RPS19BP1: variants seen among roughly 807,000 people sequenced by gnomAD.
RPS19BP1 encodes the protein active regulator of SIRT1.
Under a neutral mutation model 16.6 loss-of-function variants are expected in RPS19BP1, and 14 were observed. The ratio of observed to expected loss-of-function variants is 0.84; its 90% CI spans 0.56 to 1.32. The LOEUF (loss-of-function observed/expected upper bound fraction) is 1.32, where lower values mean the gene tolerates loss of function less well. RPS19BP1 is among the 40% of genes most tolerant of loss of function. The probability of loss-of-function intolerance (pLI) is 0.00; values close to 1 mark genes in which losing one functional copy is unlikely to be tolerated. For missense variants in RPS19BP1, 188 were observed against 178.6 expected (o/e 1.05, Z -0.30); for synonymous variants, 90 against 77.3 (o/e 1.16, Z -0.86).
chr22:39,529,752 A>G, intron 3 of RPS19BP1, 68 bp downstream of exon 3: 1 of 1,597,810 alleles, frequency 6.3e-7, no homozygotes, highest in Non-Finnish European at 8.6e-7. Flanking sequence ...TGAGACCGCC[A>G]TGGGTCCCTA....
chr22:39,532,381 C>T lies in RPS19BP1; in HGVS notation c.181+14G>A. 1.2e-6 allele frequency: 2 copies of T among 1,614,148 alleles called. No homozygotes were observed. Among genetic ancestry groups the T allele is most frequent in the Non-Finnish European group, 1.7e-6 (2 of 1,180,018 alleles). ...GCACCGGAGGCAGCACTTTCAGCCC[C>T]TTCCCGAACTTACCCAGTGCCGACT... On this transcript the variant is annotated intron_variant, in intron 2 of 3. Coordinates refer to ENST00000334678, the MANE Select transcript of RPS19BP1 (RefSeq NM_194326.4).
In RPS19BP1 at chr22:39,532,468, G is replaced by A. The variant is rs1931340664; in HGVS notation, c.108C>T (p.Pro36=). 1 of 1,614,120 alleles carries A rather than the reference G, an allele frequency of 6.2e-7. No homozygotes were observed. The highest frequency in any genetic ancestry group is 1.3e-5 in the African/African-American group (1 of 74,950). The stretch of plus-strand genomic sequence containing the variant: ...GGGCCTGAATTGCCTTCGTCTTCCG[G>A]GGCCGTTTCACCGGAGCCCCTCTCG... ...AKPRGAPVKR[P]RKTKAIQAQK... Residue 36 remains proline (P), a synonymous_variant, in exon 2 of 4, where the codon CCC becomes CCT. Coordinates refer to ENST00000334678, the MANE Select transcript of RPS19BP1 (RefSeq NM_194326.4).
At chr22:39,529,696 C>T (rs777224292) in intron 3 of RPS19BP1, 73 bp from the exon 4 acceptor site, 19 of 1,601,762 alleles carry the variant, frequency 1.2e-5, no homozygotes, top group Admixed American at 1.7e-5. Flanking sequence ...CAGGGGAGTT[C>T]GGCGCAGGGC....
At position 39,529,498 on chromosome 22, in the gene RPS19BP1, G is replaced by A. The variant is rs757980739; in HGVS notation, c.405C>T (p.Gly135=). 1 of 1,614,198 alleles carries A rather than the reference G, an allele frequency of 6.2e-7. No individual in the cohort carries two copies. Residue 135 remains glycine, a synonymous_variant, in exon 4 of 4, where the codon GGC becomes GGT. Transcript: ENST00000334678. ...DFQKFQQEYF[G]S The stretch of plus-strand genomic sequence containing the variant: ...ACCGTGCCCTCCAGGGAGCCTAGCT[G>A]CCGAAGTATTCCTGCTGGAACTTCT...
chr22:39,531,231 G>A (rs1931303261), intron 2 of RPS19BP1: 1 of 152,258 alleles, frequency 6.6e-6, no homozygotes, highest in Non-Finnish European at 1.5e-5. Context: ...CAAGGGCTGG[G>A]ACAGATGGGA....
At position 39,532,407 on chromosome 22, in the gene RPS19BP1, TG is replaced by T. The variant is rs751225507; in HGVS notation, c.168del (p.Lys57SerfsTer18). The T allele has an allele frequency of 6.8e-6, 11 of 1,614,208 alleles. No individual in the cohort carries two copies. Among genetic ancestry groups the T allele is most frequent in the Non-Finnish European group, 8.5e-6 (10 of 1,180,036 alleles). Reference protein sequence around the residue: ...KLRNSAKGKVPKSALDEYRKR... With the variant: ...KLRNSAKGKVXKSALDEYRKR... Reference sequence around the variant, plus strand: ...TTCCCGAACTTACCCAGTGCCGACTTGGGCACCTTTCCCTTGGCCGAGTTCC... The same window carrying T: ...TTCCCGAACTTACCCAGTGCCGACTTGGCACCTTTCCCTTGGCCGAGTTCC... On this transcript the variant is annotated frameshift_variant, in exon 2 of 4. Coordinates refer to ENST00000334678, the MANE Select transcript of RPS19BP1 (RefSeq NM_194326.4). LOFTEE classifies it high-confidence loss of function.
intron 2 of RPS19BP1, chr22:39,531,322 CT>C (rs1931305153): frequency 6.6e-6 from 1 of 152,230 alleles, no homozygotes; most frequent in Non-Finnish European, 1.5e-5. Context: ...TGCCTCCAGA[CT>C]TTGGCTTAAG....
chr22:39,531,458 C>T (rs1931308030), intron 2 of RPS19BP1: 1 of 152,196 alleles, frequency 6.6e-6, no homozygotes. Context: ...AAAATATCAC[C>T]ATCTTGCCTA....
At chr22:39,530,010 G>T in intron 2 of RPS19BP1, 93 bp from the exon 3 acceptor site, 1 of 1,006,960 alleles carries the variant, frequency 9.9e-7, no homozygotes, top group Non-Finnish European at 1.5e-6. Context: ...AGACCTCATC[G>T]TTCCCTTCCC....
chr22:39,532,735 A>C lies in RPS19BP1; in HGVS notation c.4T>G (p.Ser2Ala). The change falls in exon 1 of 4, where the codon TCC (serine) becomes GCC (alanine). Residue 2 changes from serine to alanine, a missense_variant. Transcript: ENST00000334678. Reference sequence around the variant, plus strand: ...AGGCCCCGCCGCAGCAGGGCGGCGGACATGGCGGCGCTTGGCTCCGCCCAC... The same window carrying C: ...AGGCCCCGCCGCAGCAGGGCGGCGGCCATGGCGGCGCTTGGCTCCGCCCAC... Reference protein sequence around the residue: MSAALLRRGLEL... With the variant: MAAALLRRGLEL... 1.3e-6 allele frequency: 2 copies of C among 1,542,690 alleles called. No homozygotes were observed. The highest frequency in any genetic ancestry group is 8.7e-7 in the Non-Finnish European group (1 of 1,146,580).
intron 2 of RPS19BP1, chr22:39,530,650 G>A (rs1329201127): frequency 1.1e-5 from 2 of 188,360 alleles, no homozygotes; most frequent in Non-Finnish European, 2.3e-5. Flanking sequence ...GTTTGAACTC[G>A]GGAGGCTAGA....
Position 39,532,278 on chromosome 22 carries a change from A to G in RPS19BP1, c.181+117T>C, listed in dbSNP as rs1004973802. On this transcript the variant is annotated intron_variant, in intron 2 of 3. Transcript: ENST00000334678. ...TCCAGGGCCCCGCTCCGCGCCTGGC[A>G]CACAGTAGGTCTAGCAATACCGGGC... 7 of 1,466,214 alleles carry G rather than the reference A, an allele frequency of 4.8e-6. No individual in the cohort carries two copies. The African/African-American group carries it at 7.1e-5, about 15-fold the overall frequency. 90.8% of individuals were successfully genotyped at this position (1,466,214 alleles called of 1,614,324 possible).
At chr22:39,529,780 C>T in intron 3 of RPS19BP1, 40 bp downstream of exon 3, 2 of 1,605,034 alleles carry the variant, frequency 1.2e-6, no homozygotes, top group Non-Finnish European at 1.7e-6. Flanking sequence ...AGCCTCGGCT[C>T]TCACCTCCCA....
chr22:39,532,343 G>C (rs1431607989), intron 2 of RPS19BP1, 52 bp downstream of exon 2: 4 of 1,612,712 alleles, frequency 2.5e-6, no homozygotes, highest in Non-Finnish European at 3.4e-6. Flanking sequence ...CCTCCTCTGG[G>C]GCGCAGGTCC....
chr22:39,532,529 G>A lies in RPS19BP1; in HGVS notation c.53-6C>T. On this transcript the variant is annotated splice_polypyrimidine_tract_variant and splice_region_variant and intron_variant, in intron 1 of 3. Coordinates refer to ENST00000334678, the MANE Select transcript of RPS19BP1 (RefSeq NM_194326.4). ...ACCTGGAGGGTCCCGGGGGGCTGTA[G>A]GGGAAGAGAGAGGAAGAGACCCAGG... is the stretch of plus-strand genomic sequence containing the variant. 1.2e-6 allele frequency: 2 copies of A among 1,613,728 alleles called. No homozygotes were observed. Among genetic ancestry groups the A allele is most frequent in the Non-Finnish European group, 1.7e-6 (2 of 1,179,852 alleles).
intron 2 of RPS19BP1, chr22:39,530,500 G>C (rs1475892073): frequency 3.9e-6 from 1 of 256,032 alleles, no homozygotes; most frequent in Non-Finnish European, 8.1e-6. Context: ...GAGGCAGGCA[G>C]GTCACCTGAG....
At chr22:39,530,766 C>A (rs1011533974) in intron 2 of RPS19BP1, 1 of 153,772 alleles carries the variant, frequency 6.5e-6, no homozygotes, top group African/African-American at 2.4e-5. Context: ...ACAAAAACAG[C>A]TGGAGTAGGG....
intron 3 of RPS19BP1, 93 bp downstream of exon 3, chr22:39,529,727 C>G: frequency 6.3e-7 from 1 of 1,597,328 alleles, no homozygotes; most frequent in African/African-American, 1.3e-5. Flanking sequence ...CAGCCTCCCA[C>G]CCTATGCTCA....
chr22:39,529,407 C>T lies in RPS19BP1; in HGVS notation c.*85G>A. Reference sequence around the variant, plus strand: ...CTGGTCCTGCATCGCCATCTGCTGGCCGCGCGGCACGGCCGGTTCCTGGAG... The same window carrying T: ...CTGGTCCTGCATCGCCATCTGCTGGTCGCGCGGCACGGCCGGTTCCTGGAG... On this transcript the variant is annotated 3_prime_UTR_variant, in exon 4 of 4. Transcript: ENST00000334678. 1 of 1,558,796 alleles carries T rather than the reference C, an allele frequency of 6.4e-7. No individual in the cohort carries two copies.
Sources: allele counts gnomAD v4.1 joint callset, GRCh38; gene constraint gnomAD v4.1.1; transcripts MANE v1.5; gene names NCBI Gene and HGNC (gene_info 2026-07-23, HGNC 2026-07-21).